The following LAP3 variants were observed in gnomAD, a reference collection of about 807,000 sequenced individuals.
LAP3 encodes the protein leucine aminopeptidase 3, also known as cytosol aminopeptidase.
LAP3 carries 46 observed loss-of-function variants against 58.8 expected under a neutral mutation model. That is an observed-to-expected ratio of 0.78 (90% CI 0.62 to 1.00). The LOEUF (loss-of-function observed/expected upper bound fraction) is 1.00, where lower values mean the gene tolerates loss of function less well. Among genes scored for constraint, LAP3 ranks in the 50% least tolerant of loss-of-function variants. LAP3 has a pLI of 0.00. For missense variants in LAP3, 615 were observed against 659.1 expected (o/e 0.93, Z 0.73); for synonymous variants, 257 against 237.7 (o/e 1.08, Z -0.75).
intron 11 of LAP3, among the ~76,000 whole-genome samples, chr4:17,605,548 G>A (rs1053662210): frequency 4.7e-5 from 7 of 149,858 alleles, no homozygotes; most frequent in African/African-American, 1.7e-4. Context: ...GTGCCAGTGG[G>A]AGGGGAGACA....
chr4:17,581,298 G>A (rs1332216070), intron 2 of LAP3, among the ~76,000 whole-genome samples: 3 of 152,220 alleles, frequency 2.0e-5, no homozygotes, highest in African/African-American at 7.2e-5. Flanking sequence ...ATTCGGTTCA[G>A]CGTCAATCCG....
chr4:17,605,726 C>T (rs1168605772), intron 11 of LAP3, among the ~76,000 whole-genome samples: 2 of 152,172 alleles, frequency 1.3e-5, no homozygotes, highest in African/African-American at 4.8e-5. Context: ...AGGAACCTCT[C>T]CTCTGGCCTC....
chr4:17,579,767 C>T, intron 1 of LAP3, 57 bp from the exon 2 acceptor site: 2 of 913,476 alleles, frequency 2.2e-6, no homozygotes, highest in Non-Finnish European at 1.7e-6. Flanking sequence ...GACTCCTGAG[C>T]CTCTCTAAGG....
chr4:17,593,613 T>TTTTTTTTTTTTG (rs1253951920), intron 7 of LAP3, among the ~76,000 whole-genome samples: 14 of 132,504 alleles, frequency 1.1e-4, no homozygotes, highest in Admixed American at 3.1e-4. Context: ...GCTTGGGTTT[T>TTTTTTTTTTTTG]TTTTTTTTTT....
chr4:17,585,108 G>A lies in LAP3; in HGVS notation c.676G>A (p.Ala226Thr), dbSNP rs1377304824. ...AEIIEKNLKSASSKTEVHIRP... is the reference protein window; with the variant it reads ...AEIIEKNLKSTSSKTEVHIRP... ...AATTATTGAGAAGAATCTCAAAAGT[G>A]CTAGTAGTAAAACCGAGGTCCATAT... The change falls in exon 6 of 13, where the codon GCT (alanine) becomes ACT (threonine). Residue 226 changes from alanine to threonine, a missense_variant. Physicochemically the swap from Ala to Thr is moderately conservative, Grantham distance 58. Coordinates refer to ENST00000226299, the MANE Select transcript of LAP3 (RefSeq NM_015907.3). 10 of 1,613,822 alleles carry A rather than the reference G, an allele frequency of 6.2e-6. No homozygotes were observed. Among genetic ancestry groups the A allele is most frequent in the Non-Finnish European group, 7.6e-6 (9 of 1,179,770 alleles).
chr4:17,584,055 T>C (rs908468643), intron 5 of LAP3, among the ~76,000 whole-genome samples: 1 of 152,262 alleles, frequency 6.6e-6, no homozygotes, highest in African/African-American at 2.4e-5. Flanking sequence ...CTTGCCCTTG[T>C]GGGCTAGTGG....
At chr4:17,599,858 A>T (rs1713943041) in intron 10 of LAP3, among the ~76,000 whole-genome samples, 1 of 152,194 alleles carries the variant, frequency 6.6e-6, no homozygotes, top group Admixed American at 6.5e-5. Flanking sequence ...CAGCTGTGCC[A>T]CTTACTAGTC....
intron 1 of LAP3, 131 bp from the exon 2 acceptor site, chr4:17,579,693 C>G (rs914765846): frequency 7.8e-6 from 4 of 511,576 alleles, no homozygotes; most frequent in African/African-American, 6.0e-5. Flanking sequence ...TCTTTTTTTG[C>G]TTTCTTCTGT....
chr4:17,595,731 T>A (rs1254474499), intron 8 of LAP3, among the ~76,000 whole-genome samples, 197 bp downstream of exon 8: 1 of 152,174 alleles, frequency 6.6e-6, no homozygotes, highest in Non-Finnish European at 1.5e-5. Flanking sequence ...TTGCAACCAG[T>A]GGGCTGTAAC....
In LAP3 at chr4:17,595,261, A is replaced by C. The variant is rs1182209279; in HGVS notation, c.864-149A>C. The C allele has an allele frequency of 6.8e-6, 5 of 735,910 alleles. No homozygotes were observed. In the African/African-American group the frequency reaches 9.0e-5, roughly 13 times the overall value. 45.6% of individuals were successfully genotyped at this position (735,910 alleles called of 1,614,324 possible). A position where few individuals can be genotyped will look rare whatever the true frequency, so the allele number is the denominator to read the frequency against. On this transcript the variant is annotated intron_variant, in intron 7 of 12. Coordinates refer to ENST00000226299, the MANE Select transcript of LAP3 (RefSeq NM_015907.3). Reference sequence around the variant, plus strand: ...CACCGTGTTAGCCAGGATGGTCTCGATCTCCTGACCTCGTGATCCGCCCAC... The same window carrying C: ...CACCGTGTTAGCCAGGATGGTCTCGCTCTCCTGACCTCGTGATCCGCCCAC...
chr4:17,605,385 A>T (rs1027519200), intron 11 of LAP3, among the ~76,000 whole-genome samples: 1 of 152,106 alleles, frequency 6.6e-6, no homozygotes, highest in African/African-American at 2.4e-5. Flanking sequence ...TACTCTACAC[A>T]TTCCTCACAT....
At chr4:17,585,214 AC>A (rs1713475299) in intron 6 of LAP3, 78 bp downstream of exon 6, 1 of 1,231,804 alleles carries the variant, frequency 8.1e-7, no homozygotes. Context: ...CAGCTCCCTC[AC>A]TTTTTAGAGG....
chr4:17,578,855 C>A (rs1713279464), intron 1 of LAP3, among the ~76,000 whole-genome samples: 1 of 152,064 alleles, frequency 6.6e-6, no homozygotes, highest in South Asian at 2.1e-4. Context: ...ACAGTCCTTA[C>A]GTGGCAACAG....
chr4:17,593,209 GT>G (rs538467232), intron 7 of LAP3, among the ~76,000 whole-genome samples: 65 of 152,320 alleles, frequency 4.3e-4, no homozygotes, highest in African/African-American at 1.5e-3. Context: ...GAATTGTAAG[GT>G]TTTTTAAAAA....
intron 6 of LAP3, among the ~76,000 whole-genome samples, chr4:17,588,073 G>C (rs952862693): frequency 1.2e-4 from 18 of 152,114 alleles, no homozygotes; most frequent in African/African-American, 4.1e-4. Context: ...ATGTTGCCCA[G>C]GTTGGGTGCT....
chr4:17,596,018 C>T (rs1193356326), intron 8 of LAP3, among the ~76,000 whole-genome samples: 1 of 151,994 alleles, frequency 6.6e-6, no homozygotes, highest in Non-Finnish European at 1.5e-5. Context: ...TAGCATTGCT[C>T]ATACTCATTT....
chr4:17,584,894 T>A, intron 5 of LAP3, 78 bp from the exon 6 acceptor site: 1 of 1,398,508 alleles, frequency 7.2e-7, no homozygotes, highest in Non-Finnish European at 9.9e-7. Flanking sequence ...TTCTGTAAGG[T>A]AAGAGTGTCT....
At chr4:17,582,842 G>A (rs1221784856) in intron 4 of LAP3, among the ~76,000 whole-genome samples, 1 of 152,208 alleles carries the variant, frequency 6.6e-6, no homozygotes, top group Non-Finnish European at 1.5e-5. Flanking sequence ...CCAGGCAGGG[G>A]CCATTGAGTC....
intron 10 of LAP3, among the ~76,000 whole-genome samples, chr4:17,604,270 C>CAAA (rs1188734524): frequency 0.038 from 1,946 of 51,004 alleles, 87 homozygotes; most frequent in African/African-American, 0.099. Context: ...AGACCTTTCT[C>CAAA]AAAAAAAAAA....
Sources: allele counts gnomAD v4.1 joint callset (sites outside exome capture counted in the v4.1 genomes callset), GRCh38; gene constraint gnomAD v4.1.1; transcripts MANE v1.5; gene names NCBI Gene and HGNC (gene_info 2026-07-23, HGNC 2026-07-21).